Variants in HPSE2 observed in about 807,000 individuals in gnomAD.
HPSE2 encodes the protein inactive heparanase-2.
A neutral mutation model predicts 60.5 loss-of-function variants in HPSE2; 38 were observed. The ratio of observed to expected loss-of-function variants is 0.63; its 90% confidence interval spans 0.48 to 0.82. The LOEUF is 0.82. HPSE2 is among the 40% of genes least tolerant of loss of function. The pLI is 0.00. For synonymous variants in HPSE2, 295 were observed against 293.2 expected (o/e 1.01, Z -0.06); for missense variants, 713 against 740.4 (o/e 0.96, Z 0.43).
intron 3 of HPSE2, among the ~76,000 whole-genome samples, chr10:98,852,533 C>T (rs1413652665): frequency 2.0e-5 from 3 of 152,160 alleles, no homozygotes; most frequent in Non-Finnish European, 4.4e-5. Context: ...ATGAACCCTG[C>T]CCCATACTCA....
intron 3 of HPSE2, among the ~76,000 whole-genome samples, chr10:99,132,149 GAAAGA>G (rs1226010730): frequency 1.1e-5 from 1 of 89,510 alleles, no homozygotes; most frequent in Non-Finnish European, 2.0e-5. Context: ...AAGAAAGGAA[GAAAGA>G]AAGAAAGAAA....
intron 9 of HPSE2, among the ~76,000 whole-genome samples, chr10:98,605,795 G>C (rs528293565): frequency 2.6e-5 from 4 of 152,346 alleles, no homozygotes; most frequent in African/African-American, 9.6e-5. Context: ...GCCTGGCAGT[G>C]GGTGGACCAT....
intron 9 of HPSE2, among the ~76,000 whole-genome samples, chr10:98,569,060 A>G (rs1424612276): frequency 8.3e-6 from 1 of 120,758 alleles, no homozygotes; most frequent in East Asian, 2.7e-4. Context: ...TATTTTAAAA[A>G]GTCTGATTTT....
intron 9 of HPSE2, among the ~76,000 whole-genome samples, chr10:98,594,696 T>A (rs1350131030): frequency 2.6e-5 from 4 of 152,186 alleles, no homozygotes; most frequent in African/African-American, 7.2e-5. Flanking sequence ...TATTTATCCA[T>A]TCATCTGTTG....
At chr10:98,509,006 T>C (rs1264456556) in intron 9 of HPSE2, among the ~76,000 whole-genome samples, 1 of 152,128 alleles carries the variant, frequency 6.6e-6, no homozygotes, top group Non-Finnish European at 1.5e-5. Context: ...AGAAAGTAAA[T>C]TGGAGGAAAC....
At chr10:98,968,198 G>A (rs946793055) in intron 3 of HPSE2, among the ~76,000 whole-genome samples, 6 of 151,990 alleles carry the variant, frequency 3.9e-5, no homozygotes, top group Non-Finnish European at 7.4e-5. Context: ...AAAAACATAC[G>A]GTACTCTATT....
Position 98,951,962 on chromosome 10 carries a change from C to T in HPSE2, c.610+192276G>A, listed in dbSNP as rs113310773. Among the ~76,000 whole-genome samples, 307 of 152,304 alleles carry T rather than the reference C, an allele frequency of 2.0e-3. 2 individuals carry two copies. The highest frequency in any genetic ancestry group is 7.1e-3 in the African/African-American group (295 of 41,562). Reference sequence around the variant, plus strand: ...AAGTTTAGGAGGTAATGTGACTTGCCTAAGTTCTTACAACTATATTGTGGA... The same window carrying T: ...AAGTTTAGGAGGTAATGTGACTTGCTTAAGTTCTTACAACTATATTGTGGA... On this transcript the variant is annotated intron_variant, in intron 3 of 11. Transcript: ENST00000370552.
intron 6 of HPSE2, among the ~76,000 whole-genome samples, chr10:98,678,030 T>G (rs1339088351): frequency 1.3e-5 from 2 of 152,194 alleles, no homozygotes; most frequent in Non-Finnish European, 1.5e-5. Context: ...AATCGATCTC[T>G]TTAAGCCTAC....
At chr10:98,601,128 T>TTTG (rs36070581) in intron 9 of HPSE2, among the ~76,000 whole-genome samples, 2 of 150,530 alleles carry the variant, frequency 1.3e-5, no homozygotes, top group African/African-American at 4.9e-5. Flanking sequence ...TGGCAGAATT[T>TTTG]TTGTTGTTGT....
chr10:99,005,422 C>T (rs2135384850), intron 3 of HPSE2, among the ~76,000 whole-genome samples: 1 of 152,172 alleles, frequency 6.6e-6, no homozygotes, highest in East Asian at 1.9e-4. Context: ...TCTGCTTGAT[C>T]AATGCTGCTA....
intron 2 of HPSE2, among the ~76,000 whole-genome samples, chr10:99,171,406 T>A (rs1347571678): frequency 6.6e-6 from 1 of 151,992 alleles, no homozygotes; most frequent in East Asian, 1.9e-4. Flanking sequence ...GAAGATGAAC[T>A]CAGCCATAAA....
chr10:98,844,212 T>C (rs1221584008), intron 3 of HPSE2, among the ~76,000 whole-genome samples: 1 of 152,168 alleles, frequency 6.6e-6, no homozygotes, highest in African/African-American at 2.4e-5. Flanking sequence ...AATTGATTAG[T>C]ATAAAATATG....
At chr10:98,741,704 C>T (rs778363144) in intron 4 of HPSE2, among the ~76,000 whole-genome samples, 1 of 152,248 alleles carries the variant, frequency 6.6e-6, no homozygotes, top group Non-Finnish European at 1.5e-5. Flanking sequence ...GTTTTACAAA[C>T]CAGTTTTATG....
the HPSE2 span, among the ~76,000 whole-genome samples, chr10:99,248,083 C>G: frequency 2.6e-5 from 4 of 152,034 alleles, no homozygotes; most frequent in African/African-American, 7.2e-5. Flanking sequence ...AAAATTGGTA[C>G]CAGGAGCAGG....
chr10:99,248,327 AG>A, the HPSE2 span, among the ~76,000 whole-genome samples: 1 of 152,222 alleles, frequency 6.6e-6, no homozygotes, highest in Non-Finnish European at 1.5e-5. Context: ...ACTAGAGAAA[AG>A]GCCACTTTTC....
chr10:98,736,443 A>C (rs932397575), intron 4 of HPSE2, among the ~76,000 whole-genome samples: 14 of 152,166 alleles, frequency 9.2e-5, no homozygotes, highest in Non-Finnish European at 1.9e-4. Context: ...AGTAACCAGA[A>C]TTTTAGTGAG....
At chr10:99,153,712 A>G (rs1846389864) in intron 2 of HPSE2, among the ~76,000 whole-genome samples, 1 of 152,278 alleles carries the variant, frequency 6.6e-6, no homozygotes, top group South Asian at 2.1e-4. Flanking sequence ...CCTCCAAAGG[A>G]ACGCAGTTCC....
At chr10:98,534,154 C>T (rs559152011) in intron 9 of HPSE2, among the ~76,000 whole-genome samples, 1 of 152,324 alleles carries the variant, frequency 6.6e-6, no homozygotes, top group South Asian at 2.1e-4. Context: ...GGCATCTGCT[C>T]TGAAGATCTG....
chr10:98,508,060 T>A (rs1591287582), intron 9 of HPSE2, among the ~76,000 whole-genome samples: 1 of 152,106 alleles, frequency 6.6e-6, no homozygotes, highest in African/African-American at 2.4e-5. Context: ...CAATGTTTTT[T>A]AAATGTCTAT....
Sources: allele counts gnomAD v4.1 joint callset (sites outside exome capture counted in the v4.1 genomes callset), GRCh38; gene constraint gnomAD v4.1.1; transcripts MANE v1.5; gene names NCBI Gene and HGNC (gene_info 2026-07-23, HGNC 2026-07-21).